Variants in ST8SIA1 observed in about 807,000 individuals in gnomAD.
ST8SIA1 encodes the protein alpha-N-acetylneuraminide alpha-2,8-sialyltransferase.
A neutral mutation model predicts 35.9 loss-of-function variants in ST8SIA1; 16 were observed. That is an observed-to-expected ratio of 0.45 (90% CI 0.30 to 0.68). The LOEUF (loss-of-function observed/expected upper bound fraction) is 0.68. Among genes scored for constraint, ST8SIA1 ranks in the 30% least tolerant of loss-of-function variants. ST8SIA1 has a pLI of 0.09. For missense variants in ST8SIA1, 383 were observed against 453.6 expected (o/e 0.84, Z 1.41); for synonymous variants, 170 against 169.6 (o/e 1.00, Z -0.02).
At chr12:22,237,077 C>T (rs1389385431) in intron 4 of ST8SIA1, among the ~76,000 whole-genome samples, 3 of 151,638 alleles carry the variant, frequency 2.0e-5, no homozygotes, top group Non-Finnish European at 4.4e-5. Context: ...AATAAGTTAA[C>T]ATTAGGAAAA....
intron 3 of ST8SIA1, among the ~76,000 whole-genome samples, chr12:22,252,999 C>T (rs1292905773): frequency 2.0e-5 from 3 of 152,104 alleles, no homozygotes; most frequent in African/African-American, 7.2e-5. Flanking sequence ...GGGAAGAGCA[C>T]AAAAACTAAT....
In ST8SIA1 at chr12:22,194,347, T is replaced by C. The variant is rs992877078; in HGVS notation, c.*7205A>G. The C allele has an allele frequency of 3.3e-5, 5 of 152,222 alleles. No individual in the cohort carries two copies. Among genetic ancestry groups the C allele is most frequent in the Non-Finnish European group, 7.3e-5 (5 of 68,042 alleles). The allele number at this position is 152,222 out of a possible 1,614,324, so 9.4% of individuals were successfully genotyped here. On this transcript the variant is annotated 3_prime_UTR_variant, in exon 5 of 5. Coordinates refer to ENST00000396037, the MANE Select transcript of ST8SIA1 (RefSeq NM_003034.4). ...CTACTAGAAGGTTCTATGACTTCAA[T>C]GAAGGATATTTACATACTATTATCA...
chr12:22,285,791 A>C (rs1320517953), intron 2 of ST8SIA1, among the ~76,000 whole-genome samples: 17 of 147,112 alleles, frequency 1.2e-4, no homozygotes, highest in Non-Finnish European at 1.5e-5. Context: ...AACTGCTTGA[A>C]CCTGAAAGGT....
chr12:22,218,806 T>C (rs951440051), intron 4 of ST8SIA1, among the ~76,000 whole-genome samples: 3 of 151,178 alleles, frequency 2.0e-5, no homozygotes, highest in African/African-American at 7.3e-5. Flanking sequence ...GGCAACAGAG[T>C]GAGACTTGGT....
intron 4 of ST8SIA1, among the ~76,000 whole-genome samples, chr12:22,246,251 C>A (rs1865600041): frequency 1.3e-5 from 2 of 152,090 alleles, no homozygotes; most frequent in South Asian, 2.1e-4. Context: ...GTTGGAGATA[C>A]CCCGCTGGTG....
intron 1 of ST8SIA1, 61 bp downstream of exon 1, chr12:22,333,936 T>A (rs1866805907): frequency 2.1e-6 from 3 of 1,461,118 alleles, no homozygotes; most frequent in Non-Finnish European, 2.9e-6. Flanking sequence ...CCGGTGACCC[T>A]GTCCTCTGCA....
chr12:22,249,288 C>T (rs186479875), intron 3 of ST8SIA1, among the ~76,000 whole-genome samples, 190 bp from the exon 4 acceptor site: 3 of 150,110 alleles, frequency 2.0e-5, no homozygotes, highest in Non-Finnish European at 3.0e-5. Context: ...GTGTGATCTC[C>T]GCTCACTGCA....
chr12:22,325,531 C>A, intron 1 of ST8SIA1: 2 of 700,282 alleles, frequency 2.9e-6, no homozygotes, highest in South Asian at 3.0e-5. Flanking sequence ...CCAAAACAGT[C>A]AAACTGTAAG....
chr12:22,213,380 T>A (rs554960201), intron 4 of ST8SIA1, among the ~76,000 whole-genome samples: 1 of 152,290 alleles, frequency 6.6e-6, no homozygotes, highest in South Asian at 2.1e-4. Flanking sequence ...ATAACAATAA[T>A]AAAATATGAC....
chr12:22,319,783 A>AC (rs1565595401), intron 1 of ST8SIA1, among the ~76,000 whole-genome samples: 3 of 152,210 alleles, frequency 2.0e-5, no homozygotes, highest in Admixed American at 2.0e-4. Flanking sequence ...AGTTGGGGGT[A>AC]CCTAGCCAGA....
intron 4 of ST8SIA1, among the ~76,000 whole-genome samples, chr12:22,247,714 T>C (rs1412417208): frequency 6.6e-6 from 1 of 151,902 alleles, no homozygotes; most frequent in Admixed American, 6.6e-5. Flanking sequence ...AAAGAAGCCA[T>C]AAAGGAAAAT....
At chr12:22,289,488 C>T (rs758076671) in intron 1 of ST8SIA1, among the ~76,000 whole-genome samples, 32 of 152,174 alleles carry the variant, frequency 2.1e-4, no homozygotes, top group Non-Finnish European at 4.4e-4. Flanking sequence ...AAAAAAAATG[C>T]TGTGTAAACA....
At chr12:22,307,430 C>T (rs867744516) in intron 1 of ST8SIA1, among the ~76,000 whole-genome samples, 2 of 152,262 alleles carry the variant, frequency 1.3e-5, no homozygotes. Context: ...TGAGGTCTCT[C>T]TCTTCAGGAT....
intron 1 of ST8SIA1, chr12:22,326,024 C>A: frequency 2.1e-6 from 1 of 479,946 alleles, no homozygotes; most frequent in South Asian, 4.0e-5. Flanking sequence ...CAATTTAAAA[C>A]TTATGAATTG....
Position 22,196,312 on chromosome 12 carries a change from C to T in ST8SIA1, c.*5240G>A, listed in dbSNP as rs1242834465. 6.6e-6 allele frequency: 1 copy of T among 152,182 alleles called. No homozygotes were observed. The highest frequency in any genetic ancestry group is 1.5e-5 in the Non-Finnish European group (1 of 68,022). The allele number at this position is 152,182 out of a possible 1,614,324, so 9.4% of individuals were successfully genotyped here. A position where few individuals can be genotyped will look rare whatever the true frequency, so the allele number is the denominator to read the frequency against. On this transcript the variant is annotated 3_prime_UTR_variant, in exon 5 of 5. Coordinates refer to ENST00000396037, the MANE Select transcript of ST8SIA1 (RefSeq NM_003034.4). Reference sequence around the variant, plus strand: ...AAACAGAAACATGTATTTTCCCTTACTGAAATGGTGAGCAGGGGCTGTGTT... The same window carrying T: ...AAACAGAAACATGTATTTTCCCTTATTGAAATGGTGAGCAGGGGCTGTGTT...
intron 2 of ST8SIA1, among the ~76,000 whole-genome samples, chr12:22,276,275 T>C (rs552881815): frequency 1.3e-5 from 2 of 152,370 alleles, no homozygotes; most frequent in Non-Finnish European, 2.9e-5. Context: ...GATGTCCTAA[T>C]ATTCAAAGCA....
At chr12:22,234,513 T>C (rs376964769) in intron 4 of ST8SIA1, among the ~76,000 whole-genome samples, 1 of 152,194 alleles carries the variant, frequency 6.6e-6, no homozygotes, top group African/African-American at 2.4e-5. Flanking sequence ...TTTCTTCTTC[T>C]TTTTTTATGT....
intron 4 of ST8SIA1, among the ~76,000 whole-genome samples, chr12:22,247,105 C>T (rs1186969232): frequency 6.7e-6 from 1 of 148,732 alleles, no homozygotes; most frequent in East Asian, 2.0e-4. Flanking sequence ...CCCTCCCTCC[C>T]TCGTCTCTTT....
intron 4 of ST8SIA1, among the ~76,000 whole-genome samples, chr12:22,239,367 C>T (rs1287368902): frequency 1.3e-5 from 2 of 152,072 alleles, no homozygotes; most frequent in Admixed American, 1.3e-4. Context: ...TTTGTCTTGC[C>T]TTTGTATTTT....
Sources: allele counts gnomAD v4.1 joint callset (sites outside exome capture counted in the v4.1 genomes callset), GRCh38; gene constraint gnomAD v4.1.1; transcripts MANE v1.5; gene names NCBI Gene and HGNC (gene_info 2026-07-23, HGNC 2026-07-21).